Variants in OGFOD3 observed in about 807,000 individuals in gnomAD.
The protein encoded by OGFOD3 is 2-oxoglutarate and iron dependent oxygenase domain containing 3, also known as 2-oxoglutarate and iron-dependent oxygenase domain-containing protein 3.
In OGFOD3, 35 loss-of-function variants were observed where a neutral mutation model predicts 39.8. That is an observed-to-expected ratio of 0.88 (90% CI 0.67 to 1.17). The LOEUF is 1.17. Among genes scored for constraint, OGFOD3 ranks in the 50% most tolerant of loss-of-function variants. OGFOD3 has a pLI of 0.00. For synonymous variants in OGFOD3, 200 were observed against 192.0 expected, an observed-to-expected ratio of 1.04 and a Z score of -0.34; for missense variants, 438 against 454.5, an observed-to-expected ratio of 0.96 and a Z score of 0.33.
chr17:82,397,598 T>C (rs1315252429), intron 8 of OGFOD3, among the ~76,000 whole-genome samples: 1 of 152,094 alleles, frequency 6.6e-6, no homozygotes, highest in Non-Finnish European at 1.5e-5. Context: ...GATCTGGGCT[T>C]GTGTTACCCA....
At chr17:82,409,544 G>T in intron 3 of OGFOD3, 134 bp from the exon 4 acceptor site, 1 of 797,234 alleles carries the variant, frequency 1.3e-6, no homozygotes. Context: ...GTAAACAAAT[G>T]TTTAGACCAA....
chr17:82,415,562 G>A lies in OGFOD3; in HGVS notation c.140C>T (p.Ala47Val), dbSNP rs199869752. The A allele has an allele frequency of 3.7e-4, 594 of 1,613,370 alleles. 5 individuals carry two copies. In the South Asian group the frequency reaches 5.8e-3, roughly 16 times the overall value. The change falls in exon 2 of 9, where the codon GCG (alanine) becomes GTG (valine). Residue 47 changes from alanine (A) to valine (V), a missense_variant. Ala to Val is a moderately conservative substitution (Grantham distance 64). Coordinates refer to ENST00000313056, the MANE Select transcript of OGFOD3 (RefSeq NM_024648.3). The surrounding 1 kb of genome is among the most constrained non-coding windows in gnomAD (Gnocchi z 5.3). ...RLWQRPWLRTAGLGAGFVLTA... is the reference protein window; with the variant it reads ...RLWQRPWLRTVGLGAGFVLTA... ...GAGCACAAAGCCAGCCCCCAGGCCCGCGGTCCTTAGCCACGGCCTCTGCCA... is the reference window on the plus strand; with the variant it reads ...GAGCACAAAGCCAGCCCCCAGGCCCACGGTCCTTAGCCACGGCCTCTGCCA...
intron 7 of OGFOD3, among the ~76,000 whole-genome samples, chr17:82,403,204 A>G (rs544635072): frequency 1.3e-4 from 20 of 152,316 alleles, no homozygotes; most frequent in African/African-American, 4.6e-4. Flanking sequence ...AATAAATAAC[A>G]ATGGGGTAAC....
In OGFOD3 at chr17:82,408,748, T is replaced by C. The variant is rs114861594; in HGVS notation, c.423+620A>G. Reference sequence around the variant, plus strand: ...TCTCCTATAGGCACTTGCCATTGGATTTAGGACCCTAAATCTGGGATGATG... The same window carrying C: ...TCTCCTATAGGCACTTGCCATTGGACTTAGGACCCTAAATCTGGGATGATG... On this transcript the variant is annotated intron_variant, in intron 4 of 8. Transcript: ENST00000313056. Among the ~76,000 whole-genome samples, 360 of 152,302 alleles carry C rather than the reference T, an allele frequency of 2.4e-3. 3 individuals are homozygous for C. Among genetic ancestry groups the C allele is most frequent in the African/African-American group, 8.0e-3 (334 of 41,564 alleles).
chr17:82,411,618 C>T (rs544652319), intron 2 of OGFOD3, 88 bp from the exon 3 acceptor site: 11 of 987,630 alleles, frequency 1.1e-5, no homozygotes, highest in African/African-American at 4.8e-5. Context: ...CTGGCTAATA[C>T]GCCCGGTCAA....
chr17:82,404,094 C>A lies in OGFOD3; in HGVS notation c.546-4G>T. On this transcript the variant is annotated splice_polypyrimidine_tract_variant and splice_region_variant and intron_variant, in intron 6 of 8. Transcript: ENST00000313056. The surrounding 1 kb of genome is among the most constrained non-coding windows in gnomAD (Gnocchi z 4.5). The stretch of plus-strand genomic sequence containing the variant: ...CTGGACCTTCTGCCGCACCTCCCTG[C>A]AGAGGACACAATAGCCGTCAGCGCA... The A allele has an allele frequency of 6.3e-7, 1 of 1,586,474 alleles. No individual in the cohort carries two copies. The highest frequency in any genetic ancestry group is 1.2e-5 in the South Asian group (1 of 86,660).
In OGFOD3 at chr17:82,411,462, T is replaced by A. The variant is rs761548449; in HGVS notation, c.373A>T (p.Ile125Phe). The change falls in exon 3 of 9, where the codon ATT becomes TTT. Residue 125 changes from isoleucine to phenylalanine, a missense_variant. Ile to Phe is a conservative substitution (Grantham distance 21). Transcript: ENST00000313056. ...VVITREEAER[I>F]RSVAEKGLSL... ...TCAGGGACAGGCGGTTACCTGCGAATCCGCTCCGCTTCCTCCCTGGTGATG... is the reference window on the plus strand; with the variant it reads ...TCAGGGACAGGCGGTTACCTGCGAAACCGCTCCGCTTCCTCCCTGGTGATG... The A allele has an allele frequency of 3.4e-5, 55 of 1,613,962 alleles. 1 individual carries two copies. The highest frequency in any genetic ancestry group is 4.4e-5 in the Non-Finnish European group (52 of 1,179,954).
rs1461774861 is a variant in OGFOD3 at position 82,392,076 on chromosome 17, T to G, written c.*322A>C. 1 of 352,996 alleles carries G rather than the reference T, an allele frequency of 2.8e-6. No homozygotes were observed. The highest frequency in any genetic ancestry group is 5.2e-6 in the Non-Finnish European group (1 of 193,224). The allele number at this position is 352,996 out of a possible 1,614,324, so 21.9% of individuals were successfully genotyped here. The stretch of plus-strand genomic sequence containing the variant: ...CGGGGGGTTGCTGAACCTGGACGAG[T>G]CCCGGGGGGTTGCTGAACCTGGGTG... On this transcript the variant is annotated 3_prime_UTR_variant, in exon 9 of 9. Transcript: ENST00000313056. The surrounding 1 kb of genome is among the most constrained non-coding windows in gnomAD (Gnocchi z 4.2).
intron 7 of OGFOD3, chr17:82,401,323 T>C (rs2052760556): frequency 6.6e-6 from 1 of 151,664 alleles, no homozygotes. Context: ...TTTTGTATTT[T>C]AGTAGAGACA....
At chr17:82,402,702 G>A (rs1029888186) in intron 7 of OGFOD3, among the ~76,000 whole-genome samples, 3 of 151,470 alleles carry the variant, frequency 2.0e-5, no homozygotes, top group African/African-American at 7.3e-5. Flanking sequence ...AGCTGAAATC[G>A]CACCATTGCA....
chr17:82,404,176 C>A lies in OGFOD3; in HGVS notation c.546-86G>T, dbSNP rs1381462298. The A allele has an allele frequency of 9.1e-6, 13 of 1,430,950 alleles. No individual in the cohort carries two copies. The East Asian group carries it at 3.2e-4, about 35-fold the overall frequency. The allele number at this position is 1,430,950 out of a possible 1,614,324, so 88.6% of individuals were successfully genotyped here. A position where few individuals can be genotyped will look rare whatever the true frequency, so the allele number is the denominator to read the frequency against. ...CAACCCGTGGGTGGCAGGAAAGGAA[C>A]CAGCCTTCGTACGGCTCCGGGCCCG... On this transcript the variant is annotated intron_variant, in intron 6 of 8. Coordinates refer to ENST00000313056, the MANE Select transcript of OGFOD3 (RefSeq NM_024648.3). This position sits in a 1 kb window ranked among gnomAD's most constrained non-coding sequence, Gnocchi z 4.5.
intron 7 of OGFOD3, among the ~76,000 whole-genome samples, chr17:82,399,005 G>A (rs1365431386): frequency 8.9e-5 from 12 of 134,828 alleles, no homozygotes; most frequent in African/African-American, 2.8e-4. Flanking sequence ...AGGTTGGGGC[G>A]GGGTGGTGGG....
At chr17:82,393,825 G>C (rs2052629531) in intron 8 of OGFOD3, 1 of 152,154 alleles carries the variant, frequency 6.6e-6, no homozygotes, top group African/African-American at 2.4e-5. Context: ...GTCTCCTCTG[G>C]CCCTCTGGTG....
intron 8 of OGFOD3, among the ~76,000 whole-genome samples, chr17:82,395,632 T>C (rs961612466): frequency 2.0e-5 from 3 of 152,022 alleles, no homozygotes; most frequent in African/African-American, 7.2e-5. Flanking sequence ...CCATTCTGGC[T>C]AACACGGTGA....
chr17:82,414,390 G>A (rs1245167347), intron 2 of OGFOD3, among the ~76,000 whole-genome samples: 1 of 152,146 alleles, frequency 6.6e-6, no homozygotes, highest in Non-Finnish European at 1.5e-5. Context: ...CTCCTGCCTG[G>A]GCCTCCCAAA....
In OGFOD3 at chr17:82,392,742, A is replaced by AG. The variant is rs1208211061; in HGVS notation, c.824-209dup. 4.7e-6 allele frequency: 3 copies of AG among 644,516 alleles called. No individual in the cohort carries two copies. The Admixed American group carries it at 9.3e-5, about 20-fold the overall frequency. The allele number at this position is 644,516 out of a possible 1,614,324, so 39.9% of individuals were successfully genotyped here. On this transcript the variant is annotated intron_variant, in intron 8 of 8. Coordinates refer to ENST00000313056, the MANE Select transcript of OGFOD3 (RefSeq NM_024648.3). This position sits in a 1 kb window ranked among gnomAD's most constrained non-coding sequence, Gnocchi z 4.2. Reference sequence around the variant, plus strand: ...GCAATGCTCAGGGGCCCTGTGGCGGAGGAGGGGCCCCCCGGGGCCAGCAGG... The same window carrying AG: ...GCAATGCTCAGGGGCCCTGTGGCGGAGGGAGGGGCCCCCCGGGGCCAGCAGG...
chr17:82,409,345 G>A (rs1326685458), intron 4 of OGFOD3, 23 bp downstream of exon 4: 3 of 1,612,042 alleles, frequency 1.9e-6, no homozygotes, highest in Non-Finnish European at 1.7e-6. Context: ...AAAAAAGGGG[G>A]GCAGGGACTA....
At chr17:82,405,828 T>C (rs1315989891) in intron 5 of OGFOD3, among the ~76,000 whole-genome samples, 1 of 152,190 alleles carries the variant, frequency 6.6e-6, no homozygotes, top group East Asian at 1.9e-4. Flanking sequence ...TGCGTGCCTG[T>C]AATCCCAGCT....
intron 8 of OGFOD3, among the ~76,000 whole-genome samples, chr17:82,397,642 G>A (rs543940727): frequency 3.3e-5 from 5 of 152,176 alleles, no homozygotes; most frequent in South Asian, 4.1e-4. Flanking sequence ...CTGTCCGCTC[G>A]GCAAATGCTC....
Sources: gnomAD v4.1 joint callset for allele counts (sites outside exome capture counted in the v4.1 genomes callset) on GRCh38, gnomAD v4.1.1 for gene constraint, Gnocchi (gnomAD v3.1) non-coding constraint, MANE v1.5 for transcripts, NCBI Gene and HGNC (gene_info 2026-07-23, HGNC 2026-07-21) for gene names.